Variants in QKI observed in about 807,000 individuals in gnomAD.
QKI encodes QKI, KH domain containing RNA binding.
QKI carries 10 observed loss-of-function variants against 39.0 expected under a neutral mutation model. The observed-to-expected ratio is 0.26, with a 90% CI of 0.16 to 0.43. QKI has a LOEUF of 0.43. QKI is among the 20% of genes least tolerant of loss of function. QKI has a pLI of 1.00. For synonymous variants in QKI, 204 were observed against 155.4 expected (o/e 1.31, Z -2.33); for missense variants, 218 against 428.0 (o/e 0.51, Z 4.33).
rs770147012 is a variant in QKI at position 163,484,199 on chromosome 6, C to CTT, written c.402+5317_402+5318dup. On this transcript the variant is annotated intron_variant, in intron 3 of 7. Coordinates refer to ENST00000361752, the MANE Select transcript of QKI (RefSeq NM_006775.3). ...TAGAGCACAGGCAGGGTACATTAGC[C>CTT]TTTTTTTTTTTTTTTCTTTTTAAGA... 2.1e-4 allele frequency among the ~76,000 whole-genome samples: 30 copies of CTT among 141,256 alleles called. No individual in the cohort carries two copies. The East Asian group carries it at 2.5e-3, about 12-fold the overall frequency. 92.7% of individuals were successfully genotyped at this position (141,256 alleles called of 152,430 possible). A position where few individuals can be genotyped will look rare whatever the true frequency, so the allele number is the denominator to read the frequency against.
intron 1 of QKI, among the ~76,000 whole-genome samples, chr6:163,436,310 T>C (rs1254659842): frequency 6.6e-6 from 1 of 152,218 alleles, no homozygotes; most frequent in Non-Finnish European, 1.5e-5. Context: ...CCTGATTCTT[T>C]TGACTGTAGT....
chr6:163,415,361 C>G (rs1324183444), intron 1 of QKI, 26 bp downstream of exon 1: 5 of 1,535,892 alleles, frequency 3.3e-6, no homozygotes, highest in East Asian at 2.5e-5. Context: ...GCCCCGGCCC[C>G]GGCCCGACCC....
At chr6:163,464,185 C>T (rs1275772417) in intron 2 of QKI, among the ~76,000 whole-genome samples, 4 of 151,972 alleles carry the variant, frequency 2.6e-5, no homozygotes, top group African/African-American at 4.8e-5. Flanking sequence ...TTTTAGAAAT[C>T]TATGATATCT....
At chr6:163,569,038 A>G (rs1378494392) in intron 7 of QKI, 4 of 975,644 alleles carry the variant, frequency 4.1e-6, no homozygotes, top group African/African-American at 1.8e-5. Context: ...CATAATTTGT[A>G]TAAGAAACTT....
intron 3 of QKI, among the ~76,000 whole-genome samples, chr6:163,522,042 C>A (rs1780194902): frequency 2.0e-5 from 3 of 152,184 alleles, no homozygotes; most frequent in Admixed American, 2.0e-4. Context: ...ATAGGAGTTA[C>A]ATAGTAAAAG....
At chr6:163,556,802 C>A (rs553424617) in intron 4 of QKI, among the ~76,000 whole-genome samples, 2 of 152,252 alleles carry the variant, frequency 1.3e-5, no homozygotes, top group East Asian at 3.9e-4. Context: ...CTGAAATTCT[C>A]AAGGCACTTC....
At chr6:163,421,329 A>G (rs563275115) in intron 1 of QKI, among the ~76,000 whole-genome samples, 2 of 152,358 alleles carry the variant, frequency 1.3e-5, no homozygotes, top group Non-Finnish European at 2.9e-5. Flanking sequence ...GTTTCTTGTC[A>G]GTCCTTATAC....
intron 3 of QKI, among the ~76,000 whole-genome samples, chr6:163,494,354 AG>A (rs1286333502): frequency 6.6e-6 from 1 of 152,244 alleles, no homozygotes; most frequent in East Asian, 1.9e-4. Flanking sequence ...CCAATCCCAC[AG>A]GGATACTAAG....
intron 4 of QKI, among the ~76,000 whole-genome samples, chr6:163,557,611 C>T (rs1349837234): frequency 1.3e-5 from 2 of 151,958 alleles, no homozygotes; most frequent in African/African-American, 4.8e-5. Context: ...ATCTAGTGTT[C>T]AATAGCACAA....
At chr6:163,498,647 AGTTT>A (rs772647213) in intron 3 of QKI, among the ~76,000 whole-genome samples, 3 of 151,652 alleles carry the variant, frequency 2.0e-5, no homozygotes, top group East Asian at 3.9e-4. Flanking sequence ...CCCCAGACTT[AGTTT>A]GTTTTTTTCC....
chr6:163,555,149 A>G (rs1782504274), intron 4 of QKI, among the ~76,000 whole-genome samples: 1 of 152,110 alleles, frequency 6.6e-6, no homozygotes, highest in South Asian at 2.1e-4. Context: ...TCTACCCATT[A>G]TTTCAAATTT....
intron 1 of QKI, among the ~76,000 whole-genome samples, chr6:163,452,841 C>T (rs1453404572): frequency 6.6e-6 from 1 of 152,170 alleles, no homozygotes; most frequent in Non-Finnish European, 1.5e-5. Context: ...GATTCTCCTG[C>T]CTCAGCCTCC....
At chr6:163,522,726 ACATAGCTCTTC>A (rs1043843443) in intron 3 of QKI, among the ~76,000 whole-genome samples, 6 of 152,184 alleles carry the variant, frequency 3.9e-5, no homozygotes, top group African/African-American at 1.4e-4. Flanking sequence ...ATTTATGCCA[ACATAGCTCTTC>A]CATACACACA....
intron 3 of QKI, among the ~76,000 whole-genome samples, chr6:163,511,440 A>G (rs1779470796): frequency 6.6e-6 from 1 of 152,092 alleles, no homozygotes; most frequent in African/African-American, 2.4e-5. Context: ...AAGTTAGTTA[A>G]GATAAAGCTC....
intron 4 of QKI, among the ~76,000 whole-genome samples, chr6:163,559,066 C>T (rs1003584384): frequency 6.6e-6 from 1 of 152,220 alleles, no homozygotes; most frequent in South Asian, 2.1e-4. Context: ...TTTCTTCCAT[C>T]TTTTTTCTCT....
chr6:163,473,368 A>G (rs1248900935), intron 2 of QKI, among the ~76,000 whole-genome samples: 1 of 152,164 alleles, frequency 6.6e-6, no homozygotes, highest in South Asian at 2.1e-4. Flanking sequence ...ATGCTAGCCT[A>G]GATTCAGGAG....
intron 6 of QKI, chr6:163,564,491 A>G: frequency 7.0e-7 from 1 of 1,431,800 alleles, no homozygotes. Flanking sequence ...CATATTAAAC[A>G]TGAGAGATAC....
intron 1 of QKI, among the ~76,000 whole-genome samples, chr6:163,450,406 G>A (rs538970440): frequency 2.0e-5 from 3 of 152,206 alleles, no homozygotes; most frequent in East Asian, 3.9e-4. Flanking sequence ...CAGAGTGCAC[G>A]TACAATAATT....
Position 163,454,860 on chromosome 6 carries a change from C to T in QKI, c.143-419C>T, listed in dbSNP as rs140380485. On this transcript the variant is annotated intron_variant, in intron 1 of 7. Transcript: ENST00000361752. ...GAAGTGGTCCCGTTTAAATATCCTT[C>T]GGACAAATTAGTTCTGAAGTACAAA... 3.2e-3 allele frequency among the ~76,000 whole-genome samples: 482 copies of T among 152,248 alleles called. 6 individuals are homozygous for T. The highest frequency in any genetic ancestry group is 0.011 in the African/African-American group (445 of 41,552).
Sources: gnomAD v4.1 joint callset for allele counts (sites outside exome capture counted in the v4.1 genomes callset) on GRCh38, gnomAD v4.1.1 for gene constraint, MANE v1.5 for transcripts, NCBI Gene and HGNC (gene_info 2026-07-23, HGNC 2026-07-21) for gene names.